C12orf54: variants seen among roughly 807,000 people sequenced by gnomAD.
C12orf54 encodes the protein uncharacterized protein C12orf54.
A neutral mutation model predicts 26.4 loss-of-function variants in C12orf54; 24 were observed. The observed-to-expected ratio is 0.91, with a 90% confidence interval of 0.66 to 1.28. C12orf54 has a LOEUF of 1.28. Ranked by LOEUF, C12orf54 falls within the 50% of genes most tolerant of loss-of-function variation. The pLI, the probability that C12orf54 is intolerant of heterozygous loss-of-function variation, is 0.00. For synonymous variants in C12orf54, 54 were observed against 47.0 expected, an observed-to-expected ratio of 1.15 and a Z score of -0.61; for missense variants, 154 against 150.9, an observed-to-expected ratio of 1.02 and a Z score of -0.11.
the C12orf54 span, among the ~76,000 whole-genome samples, chr12:48,417,758 C>T: frequency 2.6e-5 from 4 of 152,128 alleles, no homozygotes; most frequent in Non-Finnish European, 5.9e-5. Flanking sequence ...TAGTAGTCCC[C>T]AGTGTCTATT....
At chr12:48,422,810 T>C in the C12orf54 span, among the ~76,000 whole-genome samples, 1 of 152,130 alleles carries the variant, frequency 6.6e-6, no homozygotes, top group Admixed American at 6.5e-5. Flanking sequence ...TTTTTCATGA[T>C]TTGATAAGAA....
At chr12:48,435,391 A>G in the C12orf54 span, among the ~76,000 whole-genome samples, 23 of 152,314 alleles carry the variant, frequency 1.5e-4, no homozygotes, top group Non-Finnish European at 2.9e-4. Flanking sequence ...CCAACATTCA[A>G]ATTCAGGAAA....
At chr12:48,483,390 A>C in intron 2 of C12orf54, 29 bp downstream of exon 2, 2 of 1,602,238 alleles carry the variant, frequency 1.2e-6, no homozygotes, top group Non-Finnish European at 8.6e-7. Context: ...ACCCTCAAAC[A>C]TCCTTAGATT....
chr12:48,455,165 T>TTA, the C12orf54 span, among the ~76,000 whole-genome samples: 2 of 152,174 alleles, frequency 1.3e-5, no homozygotes, highest in African/African-American at 4.8e-5. Flanking sequence ...TACTCAATGT[T>TTA]TACCTCCCAC....
the C12orf54 span, among the ~76,000 whole-genome samples, chr12:48,468,759 C>A: frequency 2.6e-5 from 4 of 152,086 alleles, no homozygotes; most frequent in African/African-American, 9.7e-5. Context: ...CCCACATGCA[C>A]CTCTGTCTTA....
At chr12:48,487,972 T>A in intron 4 of C12orf54, 1 of 755,738 alleles carries the variant, frequency 1.3e-6, no homozygotes, top group East Asian at 2.4e-5. Context: ...AGAACTGGGT[T>A]GCCATTTATG....
In C12orf54 at chr12:48,483,425, AG is replaced by A; in HGVS notation, c.65+67del. 4.0e-6 allele frequency: 6 copies of A among 1,497,792 alleles called. No homozygotes were observed. In the African/African-American group the frequency reaches 5.5e-5, roughly 14 times the overall value. 92.8% of individuals were successfully genotyped at this position (1,497,792 alleles called of 1,614,324 possible). ...TGCTATACTCTATGGGAGAAGAACC[AG>A]GGCCTCCTGTCTTCTATGGCTCTTC... On this transcript the variant is annotated intron_variant, in intron 2 of 8. Coordinates refer to ENST00000548364, the MANE Select transcript of C12orf54 (RefSeq NM_152319.4).
At chr12:48,443,252 A>G in the C12orf54 span, among the ~76,000 whole-genome samples, 1 of 152,158 alleles carries the variant, frequency 6.6e-6, no homozygotes, top group Admixed American at 6.6e-5. Flanking sequence ...TTTGTAAACT[A>G]TTGCTAATGA....
the C12orf54 span, among the ~76,000 whole-genome samples, chr12:48,474,332 G>A: frequency 2.0e-5 from 3 of 152,194 alleles, no homozygotes; most frequent in Non-Finnish European, 4.4e-5. Context: ...GAAGACAGGT[G>A]ATTTCTGCAT....
In C12orf54 at chr12:48,494,810, T is replaced by C. The variant is rs745513443; in HGVS notation, c.255T>C (p.Pro85=). The part of the protein sequence containing the change: ...TSAPRTGSIR[P]PDSLMTPKLR... ...TATTTTGGCACAGAAGCATAAGGCC[T>C]CCAGATTCCTTGATGACCCCAAAGT... Residue 85 remains proline, a synonymous_variant, in exon 8 of 9, where the codon CCT becomes CCC. Transcript: ENST00000548364. 13 of 1,613,782 alleles carry C rather than the reference T, an allele frequency of 8.1e-6. No homozygotes were observed. The East Asian group carries it at 2.7e-4, about 33-fold the overall frequency.
the C12orf54 span, among the ~76,000 whole-genome samples, chr12:48,438,855 C>T: frequency 6.6e-6 from 1 of 152,162 alleles, no homozygotes; most frequent in Admixed American, 6.5e-5. Flanking sequence ...GCAAGGACTT[C>T]ATGTCTAAAA....
the C12orf54 span, among the ~76,000 whole-genome samples, chr12:48,476,121 C>A: frequency 6.6e-6 from 1 of 152,114 alleles, no homozygotes; most frequent in Non-Finnish European, 1.5e-5. Context: ...AATTTTCAAC[C>A]CAGAATTTCA....
upstream of C12orf54, among the ~76,000 whole-genome samples, chr12:48,479,712 T>C (rs1399819701): frequency 1.3e-5 from 2 of 151,972 alleles, no homozygotes; most frequent in African/African-American, 4.8e-5. Context: ...ACAGTTGCTT[T>C]TGTGTCCCTC....
chr12:48,457,208 C>T, the C12orf54 span, among the ~76,000 whole-genome samples: 1 of 151,822 alleles, frequency 6.6e-6, no homozygotes, highest in Non-Finnish European at 1.5e-5. Flanking sequence ...CCGTAGGGCC[C>T]CAGGCCCGAA....
intron 5 of C12orf54, 129 bp downstream of exon 5, chr12:48,489,085 C>T: frequency 1.0e-6 from 1 of 953,800 alleles, no homozygotes; most frequent in South Asian, 1.3e-5. Flanking sequence ...CTAGTGATTT[C>T]TCCCTTAAAG....
the C12orf54 span, among the ~76,000 whole-genome samples, chr12:48,456,604 T>C: frequency 6.6e-6 from 1 of 152,204 alleles, no homozygotes; most frequent in East Asian, 1.9e-4. Flanking sequence ...AAGCTATTTC[T>C]CTTTGTTTCT....
the C12orf54 span, among the ~76,000 whole-genome samples, chr12:48,454,334 C>T: frequency 2.0e-5 from 3 of 152,182 alleles, no homozygotes; most frequent in South Asian, 2.1e-4. Flanking sequence ...CTCCTGACGT[C>T]GTGATCTGCC....
At position 48,486,738 on chromosome 12, in the gene C12orf54, G is replaced by A. The variant is rs756144438; in HGVS notation, c.135+12G>A. 2 of 1,611,400 alleles carry A rather than the reference G, an allele frequency of 1.2e-6. No homozygotes were observed. Among genetic ancestry groups the A allele is most frequent in the Non-Finnish European group, 1.7e-6 (2 of 1,177,612 alleles). On this transcript the variant is annotated intron_variant, in intron 4 of 8. Transcript: ENST00000548364. ...CCCTGTGGGACCAGGTGAGTACAGA[G>A]GAATCATTTTTGACAGCATGGCATG...
At chr12:48,488,642 T>A (rs1174561684) in intron 4 of C12orf54, 1 of 454,410 alleles carries the variant, frequency 2.2e-6, no homozygotes. Flanking sequence ...ATAAATATAA[T>A]AGTAGGTTTC....
Sources: gnomAD v4.1 joint callset for allele counts (sites outside exome capture counted in the v4.1 genomes callset) on GRCh38, gnomAD v4.1.1 for gene constraint, MANE v1.5 for transcripts, NCBI Gene and HGNC (gene_info 2026-07-23, HGNC 2026-07-21) for gene names.